The following PTPRCAP variants were observed in gnomAD, a reference collection of about 807,000 sequenced individuals.
The protein encoded by PTPRCAP is protein tyrosine phosphatase receptor type C associated protein, also known as protein tyrosine phosphatase receptor type C-associated protein.
For missense variants in PTPRCAP, 294 were observed against 285.5 expected, an observed-to-expected ratio of 1.03 and a Z score of -0.22; for synonymous variants, 136 against 135.8, an observed-to-expected ratio of 1.00 and a Z score of -0.01.
In PTPRCAP at chr11:67,435,976, G is replaced by A; in HGVS notation, c.378C>T (p.Asp126=). The change falls in exon 2 of 2, where the codon GAC becomes GAT. Residue 126 remains aspartate, a synonymous_variant. Transcript: ENST00000326294. The stretch of plus-strand genomic sequence containing the variant: ...CACATTGCTGCTCGCCTTCCCCAGG[G>A]TCAGCCTGCAGGCCACCATCCGCGA... ...DHVADGGLQA[D]PGEGEQQCGE... The A allele has an allele frequency of 6.2e-7, 1 of 1,613,712 alleles. No homozygotes were observed. The highest frequency in any genetic ancestry group is 8.5e-7 in the Non-Finnish European group (1 of 1,179,926).
rs775641312 is a variant in PTPRCAP, at chr11:67,435,914, G to T, written c.440C>A (p.Ala147Asp). The T allele has an allele frequency of 1.9e-6, 3 of 1,612,700 alleles. No individual in the cohort carries two copies. Among genetic ancestry groups the T allele is most frequent in the South Asian group, 1.1e-5 (1 of 91,026 alleles). Residue 147 changes from alanine to aspartate, a missense_variant, in exon 2 of 2, where the codon GCT (alanine) becomes GAT (aspartate). Coordinates refer to ENST00000326294, the MANE Select transcript of PTPRCAP (RefSeq NM_005608.3). ...ASSPEQVPVRAEEARDSDTEG... is the reference protein window; with the variant it reads ...ASSPEQVPVRDEEARDSDTEG... ...CGTGTCACTGTCTCTGGCTTCCTCAGCCCGCACGGGGACCTGCTCTGGGCT... is the reference window on the plus strand; with the variant it reads ...CGTGTCACTGTCTCTGGCTTCCTCATCCCGCACGGGGACCTGCTCTGGGCT...
chr11:67,436,282 G>A lies in PTPRCAP; in HGVS notation c.72C>T (p.Ser24=), dbSNP rs545555209. The A allele has an allele frequency of 7.2e-6, 11 of 1,536,688 alleles. No homozygotes were observed. The highest frequency in any genetic ancestry group is 4.9e-5 in the East Asian group (2 of 41,034). Residue 24 remains serine (S), a synonymous_variant, in exon 2 of 2, where the codon AGC becomes AGT. Transcript: ENST00000326294. The part of the protein sequence containing the change: ...ALPGALGSGG[S]AEDSVGSSSV... ...AGCTGGAGCCCACGCTGTCCTCCGC[G>A]CTGCCACCCGAGCCCAAGGCCCCTG...
Position 67,437,682 on chromosome 11 carries a change from T to C in PTPRCAP, c.-63A>G. On this transcript the variant is annotated 5_prime_UTR_variant, in exon 1 of 2. Transcript: ENST00000326294. ...AGCTCTGGCTGTGTCGAGCGAGAAGTGAGCTCAGTGCTCGTCTGCAGTGAA... is the reference window on the plus strand; with the variant it reads ...AGCTCTGGCTGTGTCGAGCGAGAAGCGAGCTCAGTGCTCGTCTGCAGTGAA... 1 of 1,345,226 alleles carries C rather than the reference T, an allele frequency of 7.4e-7. No homozygotes were observed. Among genetic ancestry groups the C allele is most frequent in the South Asian group, 2.3e-5 (1 of 43,224 alleles). The allele number at this position is 1,345,226 out of a possible 1,614,324, so 83.3% of individuals were successfully genotyped here.
Position 67,436,058 on chromosome 11 carries a change from G to A in PTPRCAP, c.296C>T (p.Ser99Phe). 6.2e-7 allele frequency: 1 copy of A among 1,613,344 alleles called. No individual in the cohort carries two copies. ...RWLQARAELG[S>F]TDNDLERQED... ...CTGTCGCTCAAGGTCATTGTCTGTG[G>A]ACCCCAGCTCAGCTCGGGCCTGCAG... The change falls in exon 2 of 2, where the codon TCC becomes TTC. Residue 99 changes from serine (S) to phenylalanine (F), a missense_variant. Ser to Phe is a radical substitution (Grantham distance 155). Transcript: ENST00000326294.
Position 67,436,345 on chromosome 11 carries a change from C to T in PTPRCAP, c.9G>A (p.Leu3=). 1 of 1,467,898 alleles carries T rather than the reference C, an allele frequency of 6.8e-7. No homozygotes were observed. The highest frequency in any genetic ancestry group is 9.0e-7 in the Non-Finnish European group (1 of 1,110,410). The allele number at this position is 1,467,898 out of a possible 1,614,324, so 90.9% of individuals were successfully genotyped here. ...GCATCCCGAGCCCTAAGGTGCAGGG[C>T]AGAGCCTGTGGGAGACAGGCAGGGG... The part of the protein sequence containing the change: MA[L]PCTLGLGMLL... The change falls in exon 2 of 2, where the codon CTG becomes CTA. Residue 3 remains leucine, a synonymous_variant. Transcript: ENST00000326294.
At position 67,437,600 on chromosome 11, in the gene PTPRCAP, G is replaced by C; in HGVS notation, c.3+17C>G. ...TGTGGCCCCCATCCCAAGAACCCGGGGGGCTCCGAGGCTTACCATTGGTCC... is the reference window on the plus strand; with the variant it reads ...TGTGGCCCCCATCCCAAGAACCCGGCGGGCTCCGAGGCTTACCATTGGTCC... On this transcript the variant is annotated intron_variant, in intron 1 of 1. Coordinates refer to ENST00000326294, the MANE Select transcript of PTPRCAP (RefSeq NM_005608.3). 1 of 1,352,132 alleles carries C rather than the reference G, an allele frequency of 7.4e-7. No homozygotes were observed. Among genetic ancestry groups the C allele is most frequent in the Non-Finnish European group, 9.6e-7 (1 of 1,043,182 alleles). 83.8% of individuals were successfully genotyped at this position (1,352,132 alleles called of 1,614,324 possible). A position where few individuals can be genotyped will look rare whatever the true frequency, so the allele number is the denominator to read the frequency against.
In PTPRCAP at chr11:67,435,616, G is replaced by T. The variant is rs934032680; in HGVS notation, c.*117C>A. 1.3e-5 allele frequency: 19 copies of T among 1,438,674 alleles called. No homozygotes were observed. Among genetic ancestry groups the T allele is most frequent in the Non-Finnish European group, 1.8e-5 (19 of 1,085,090 alleles). 89.1% of individuals were successfully genotyped at this position (1,438,674 alleles called of 1,614,324 possible). On this transcript the variant is annotated 3_prime_UTR_variant, in exon 2 of 2. Transcript: ENST00000326294. ...ACATGGACTTGGGAACTGGTAGGGG[G>T]TGACAGTCTGAGGCATGGTCATGTG...
Position 67,436,204 on chromosome 11 carries a change from T to C in PTPRCAP, c.150A>G (p.Leu50=), listed in dbSNP as rs1241666583. The change falls in exon 2 of 2, where the codon CTA becomes CTG. Residue 50 remains leucine, a synonymous_variant. Transcript: ENST00000326294. ...LLLLLLLATG[L]ALAWRRLSRD... ...GGCTGAGGCGGCGCCAGGCCAGTGC[T>C]AGGCCAGTGGCCAGCAGTAGGAGCA... The C allele has an allele frequency of 6.4e-7, 1 of 1,551,852 alleles. No individual in the cohort carries two copies. Among genetic ancestry groups the C allele is most frequent in the East Asian group, 2.4e-5 (1 of 41,330 alleles).
Position 67,436,158 on chromosome 11 carries a change from GGTA to G in PTPRCAP, c.193_195del (p.Tyr65del), listed in dbSNP as rs1323143094. 3 of 1,566,140 alleles carry G rather than the reference GGTA, an allele frequency of 1.9e-6. No individual in the cohort carries two copies. Among genetic ancestry groups the G allele is most frequent in the Non-Finnish European group, 2.6e-6 (3 of 1,155,692 alleles). On this transcript the variant is annotated inframe_deletion, in exon 2 of 2. Transcript: ENST00000326294. The stretch of plus-strand genomic sequence containing the variant: ...AGCGCGGCACCTAGGCGGGCCGGGT[GGTA>G]GTAGCCCCCTGAGTCACGGCTGAGG...
chr11:67,437,594 A>AC (rs1864312802), intron 1 of PTPRCAP, 23 bp downstream of exon 1: 35 of 1,349,138 alleles, frequency 2.6e-5, no homozygotes, highest in Non-Finnish European at 3.4e-5. Context: ...CATCCCAAGA[A>AC]CCCGGGGGGC....
intron 1 of PTPRCAP, 120 bp from the exon 2 acceptor site, chr11:67,436,470 C>G: frequency 8.2e-7 from 1 of 1,224,888 alleles, no homozygotes; most frequent in Non-Finnish European, 1.1e-6. Flanking sequence ...TTGGGACAGC[C>G]AAGCAGAAAA....
In PTPRCAP at chr11:67,436,010, T is replaced by C. The variant is rs994321100; in HGVS notation, c.344A>G (p.Tyr115Cys). Reference protein sequence around the residue: ...ERQEDEQDTDYDHVADGGLQA... With the variant: ...ERQEDEQDTDCDHVADGGLQA... Reference sequence around the variant, plus strand: ...CAGGCCACCATCCGCGACGTGGTCATAGTCTGTGTCCTGCTCATCCTCCTG... The same window carrying C: ...CAGGCCACCATCCGCGACGTGGTCACAGTCTGTGTCCTGCTCATCCTCCTG... Residue 115 changes from tyrosine (Y) to cysteine (C), a missense_variant, in exon 2 of 2, where the codon TAT becomes TGT. Transcript: ENST00000326294. 4.2e-5 allele frequency: 68 copies of C among 1,613,632 alleles called. No homozygotes were observed. Among genetic ancestry groups the C allele is most frequent in the Non-Finnish European group, 5.6e-5 (66 of 1,179,906 alleles).
chr11:67,436,116 G>A lies in PTPRCAP; in HGVS notation c.238C>T (p.Arg80Cys), dbSNP rs375305574. Residue 80 changes from arginine to cysteine, a missense_variant, in exon 2 of 2, where the codon CGC becomes TGC. Physicochemically the swap from Arg to Cys is radical, Grantham distance 180. Transcript: ENST00000326294. ...CCTGGGGGGCTGGCCCAGAGCAGGC[G>A]CCGCGTGCGGCCCCACAGCGCGGCA... is the stretch of plus-strand genomic sequence containing the variant. The part of the protein sequence containing the change: ...LGAALWGRTR[R>C]LLWASPPGRW... 303 of 1,597,058 alleles carry A rather than the reference G, an allele frequency of 1.9e-4. No individual in the cohort carries two copies. Among genetic ancestry groups the A allele is most frequent in the Non-Finnish European group, 2.4e-4 (281 of 1,171,802 alleles).
rs1864248743 is a variant in PTPRCAP at position 67,435,599 on chromosome 11, T to G, written c.*134A>C. ...CGTGGTGAGCGGGGTACACATGGAC[T>G]TGGGAACTGGTAGGGGGTGACAGTC... On this transcript the variant is annotated 3_prime_UTR_variant, in exon 2 of 2. Transcript: ENST00000326294. 2.9e-6 allele frequency: 4 copies of G among 1,361,984 alleles called. No homozygotes were observed. Among genetic ancestry groups the G allele is most frequent in the Non-Finnish European group, 3.9e-6 (4 of 1,020,500 alleles). 84.4% of individuals were successfully genotyped at this position (1,361,984 alleles called of 1,614,324 possible).
Position 67,436,088 on chromosome 11 carries a change from C to T in PTPRCAP, c.266G>A (p.Arg89His), listed in dbSNP as rs547434254. The change falls in exon 2 of 2, where the codon CGC becomes CAC. Residue 89 changes from arginine to histidine, a missense_variant. Physicochemically the swap from Arg to His is conservative, Grantham distance 29. Transcript: ENST00000326294. The part of the protein sequence containing the change: ...RRLLWASPPG[R>H]WLQARAELGS... ...CAGCTCAGCTCGGGCCTGCAGCCAG[C>T]GACCTGGGGGGCTGGCCCAGAGCAG... 167 of 1,611,078 alleles carry T rather than the reference C, an allele frequency of 1.0e-4. No homozygotes were observed. In the South Asian group the frequency reaches 1.6e-3, roughly 15 times the overall value.
At chr11:67,437,226 C>T (rs1183015522) in intron 1 of PTPRCAP, 5 of 186,236 alleles carry the variant, frequency 2.7e-5, no homozygotes, top group South Asian at 2.0e-4. Context: ...GGGAGGCGGG[C>T]GCAGCTGCCA....
rs1360503425 is a variant in PTPRCAP, at chr11:67,436,150, G to A, written c.204C>T (p.Ala68=). The A allele has an allele frequency of 1.3e-6, 2 of 1,570,760 alleles. No homozygotes were observed. The highest frequency in any genetic ancestry group is 4.7e-5 in the East Asian group (2 of 42,828). The change falls in exon 2 of 2, where the codon GCC becomes GCT. Residue 68 remains alanine (A), a synonymous_variant. Coordinates refer to ENST00000326294, the MANE Select transcript of PTPRCAP (RefSeq NM_005608.3). ...SRDSGGYYHP[A]RLGAALWGRT... is the part of the protein sequence containing the mutation. ...GGCCCCACAGCGCGGCACCTAGGCG[G>A]GCCGGGTGGTAGTAGCCCCCTGAGT...
rs747345871 is a variant in PTPRCAP, at chr11:67,436,133, A to G, written c.221T>C (p.Leu74Pro). The G allele has an allele frequency of 1.3e-4, 212 of 1,585,662 alleles. No individual in the cohort carries two copies. Among genetic ancestry groups the G allele is most frequent in the Non-Finnish European group, 1.8e-4 (208 of 1,165,872 alleles). The change falls in exon 2 of 2, where the codon CTG (leucine) becomes CCG (proline). Residue 74 changes from leucine (L) to proline (P), a missense_variant. By Grantham distance (98) the Leu-to-Pro change is moderately conservative. Coordinates refer to ENST00000326294, the MANE Select transcript of PTPRCAP (RefSeq NM_005608.3). Reference protein sequence around the residue: ...YYHPARLGAALWGRTRRLLWA... With the variant: ...YYHPARLGAAPWGRTRRLLWA... ...GAGCAGGCGCCGCGTGCGGCCCCAC[A>G]GCGCGGCACCTAGGCGGGCCGGGTG...
Position 67,435,577 on chromosome 11 carries a change from G to T in PTPRCAP, c.*156C>A. The T allele has an allele frequency of 8.6e-7, 1 of 1,164,758 alleles. No homozygotes were observed. The highest frequency in any genetic ancestry group is 1.2e-6 in the Non-Finnish European group (1 of 853,680). The allele number at this position is 1,164,758 out of a possible 1,614,324, so 72.2% of individuals were successfully genotyped here. On this transcript the variant is annotated 3_prime_UTR_variant, in exon 2 of 2. Coordinates refer to ENST00000326294, the MANE Select transcript of PTPRCAP (RefSeq NM_005608.3). ...TGTGGTTGGGGGGGGCCGTTCCCGT[G>T]GTGAGCGGGGTACACATGGACTTGG...
Sources: gnomAD v4.1 joint callset for allele counts on GRCh38, gnomAD v4.1.1 for gene constraint, MANE v1.5 for transcripts, NCBI Gene and HGNC (gene_info 2026-07-23, HGNC 2026-07-21) for gene names.